TTC39B: variants seen among roughly 807,000 people sequenced by gnomAD.
The protein encoded by TTC39B is tetratricopeptide repeat domain 39B, also known as tetratricopeptide repeat protein 39B.
A neutral mutation model predicts 96.6 loss-of-function variants in TTC39B; 92 were observed. The observed-to-expected ratio is 0.95, with a 90% CI of 0.80 to 1.13. The LOEUF (loss-of-function observed/expected upper bound fraction) is 1.13, where lower values mean the gene tolerates loss of function less well. TTC39B is among the 50% of genes most tolerant of loss of function. The probability of loss-of-function intolerance (pLI) is 0.00; values close to 1 mark genes in which losing one functional copy is unlikely to be tolerated. For synonymous variants in TTC39B, 367 were observed against 299.4 expected (o/e 1.23, Z -2.33); for missense variants, 955 against 809.3 (o/e 1.18, Z -2.18).
chr9:15,286,560 G>C (rs1823981934), intron 1 of TTC39B, among the ~76,000 whole-genome samples: 1 of 152,188 alleles, frequency 6.6e-6, no homozygotes, highest in Non-Finnish European at 1.5e-5. Context: ...CATAGTTACT[G>C]TATTTGTCTT....
chr9:15,233,097 C>T (rs996681259), intron 2 of TTC39B, among the ~76,000 whole-genome samples: 2 of 152,090 alleles, frequency 1.3e-5, no homozygotes, highest in East Asian at 1.9e-4. Flanking sequence ...CAGTTGGAGG[C>T]GGGGTCAGTC....
intron 13 of TTC39B, 67 bp from the exon 14 acceptor site, chr9:15,188,199 A>C (rs963924887): frequency 1.4e-6 from 2 of 1,475,902 alleles, no homozygotes; most frequent in East Asian, 4.7e-5. Flanking sequence ...CTAATGGAAA[A>C]ATACATAAAA....
intron 2 of TTC39B, among the ~76,000 whole-genome samples, chr9:15,256,203 C>T (rs1365991525): frequency 1.3e-5 from 2 of 151,864 alleles, no homozygotes; most frequent in African/African-American, 4.8e-5. Context: ...TCTTTCCCCT[C>T]TTTCCACTAT....
intron 1 of TTC39B, among the ~76,000 whole-genome samples, chr9:15,290,688 T>G (rs1420093568): frequency 6.6e-6 from 1 of 152,222 alleles, no homozygotes; most frequent in Non-Finnish European, 1.5e-5. Context: ...CTTTCACATG[T>G]AACATGTGGA....
chr9:15,281,625 C>CA (rs1161175672), intron 1 of TTC39B, among the ~76,000 whole-genome samples: 1,831 of 48,630 alleles, frequency 0.038, 59 homozygotes, highest in African/African-American at 0.092. Flanking sequence ...CCTGCAACAG[C>CA]AAAAAAAAAA....
intron 7 of TTC39B, among the ~76,000 whole-genome samples, chr9:15,202,008 GAA>G (rs551555239): frequency 7.9e-4 from 120 of 152,298 alleles, no homozygotes; most frequent in South Asian, 1.7e-3. Flanking sequence ...GTGCAGTCCA[GAA>G]AAGAGTAGAT....
chr9:15,203,951 G>A, intron 6 of TTC39B, 61 bp from the exon 7 acceptor site: 3 of 1,478,868 alleles, frequency 2.0e-6, no homozygotes, highest in South Asian at 1.2e-5. Flanking sequence ...ATTGCTCTGT[G>A]ATGTTCAGGA....
At chr9:15,246,707 C>T (rs1050356502) in intron 2 of TTC39B, among the ~76,000 whole-genome samples, 9 of 152,214 alleles carry the variant, frequency 5.9e-5, no homozygotes, top group Admixed American at 1.3e-4. Flanking sequence ...TGGAGAAGAA[C>T]AAAGCCCCTG....
intron 2 of TTC39B, among the ~76,000 whole-genome samples, chr9:15,266,584 A>T (rs182869006): frequency 6.6e-6 from 1 of 152,320 alleles, no homozygotes; most frequent in Admixed American, 6.5e-5. Flanking sequence ...CTTACATAGT[A>T]TTGGTAGCCA....
intron 2 of TTC39B, among the ~76,000 whole-genome samples, chr9:15,226,705 A>G (rs554752645): frequency 5.1e-4 from 78 of 152,330 alleles, no homozygotes; most frequent in African/African-American, 1.8e-3. Context: ...GAAGTAACAT[A>G]AAGAAGGTAA....
chr9:15,199,952 GATT>G (rs747720434), intron 7 of TTC39B, 27 bp from the exon 8 acceptor site: 4 of 1,405,930 alleles, frequency 2.8e-6, no homozygotes, highest in East Asian at 2.4e-5. Context: ...TAAAAAATTA[GATT>G]ATTTAGCAAA....
At chr9:15,305,644 CAG>C (rs1159561428) in intron 1 of TTC39B, among the ~76,000 whole-genome samples, 2 of 151,094 alleles carry the variant, frequency 1.3e-5, no homozygotes, top group Non-Finnish European at 2.9e-5. Flanking sequence ...AACTTCCACC[CAG>C]AGTTTCACCC....
chr9:15,249,949 G>A (rs1341811282), intron 2 of TTC39B: 2 of 1,285,858 alleles, frequency 1.6e-6, no homozygotes, highest in Admixed American at 4.7e-5. Flanking sequence ...TTGGAGGAAT[G>A]AATATAGTCC....
chr9:15,235,442 C>G (rs1463730821), intron 2 of TTC39B, among the ~76,000 whole-genome samples: 2 of 152,194 alleles, frequency 1.3e-5, no homozygotes, highest in African/African-American at 2.4e-5. Flanking sequence ...GGTGAACATA[C>G]AGATACAAGA....
chr9:15,286,080 C>A (rs937397839), intron 1 of TTC39B, among the ~76,000 whole-genome samples: 3 of 152,210 alleles, frequency 2.0e-5, no homozygotes, highest in Non-Finnish European at 4.4e-5. Context: ...GTGCATGTTT[C>A]CTAAAAATAA....
chr9:15,229,222 A>G (rs1161022829), intron 2 of TTC39B, among the ~76,000 whole-genome samples: 1 of 152,236 alleles, frequency 6.6e-6, no homozygotes, highest in East Asian at 1.9e-4. Flanking sequence ...TCTGAGCTAC[A>G]TTTAATTCTT....
chr9:15,292,216 C>A (rs938932254), intron 1 of TTC39B, among the ~76,000 whole-genome samples: 25 of 152,280 alleles, frequency 1.6e-4, no homozygotes, highest in African/African-American at 5.8e-4. Context: ...ATGCTAAATA[C>A]AGACAAAAGC....
chr9:15,190,751 G>C, intron 10 of TTC39B, 89 bp from the exon 11 acceptor site: 1 of 1,036,536 alleles, frequency 9.6e-7, no homozygotes, highest in Non-Finnish European at 1.5e-6. Context: ...TATTAGGGGG[G>C]TTACAAGTAC....
intron 2 of TTC39B, among the ~76,000 whole-genome samples, chr9:15,246,634 T>G (rs1257871098): frequency 6.6e-6 from 1 of 152,356 alleles, no homozygotes; most frequent in Middle Eastern, 3.4e-3. Context: ...CTACTTCTTG[T>G]CATTTGGAAT....
Sources: allele counts gnomAD v4.1 joint callset (sites outside exome capture counted in the v4.1 genomes callset), GRCh38; gene constraint gnomAD v4.1.1; transcripts MANE v1.5; gene names NCBI Gene and HGNC (gene_info 2026-07-23, HGNC 2026-07-21).